Variants in SIRT7 observed in about 807,000 individuals in gnomAD.
SIRT7 encodes the protein NAD-dependent protein deacetylase sirtuin-7.
In SIRT7, 32 loss-of-function variants were observed where a neutral mutation model predicts 42.8. The observed-to-expected ratio is 0.75, with a 90% CI of 0.56 to 1.00. The LOEUF is 1.00. Among genes scored for constraint, SIRT7 ranks in the 50% least tolerant of loss-of-function variants. The pLI, the probability that SIRT7 is intolerant of heterozygous loss-of-function variation, is 0.00. For missense variants in SIRT7, 553 were observed against 572.2 expected (o/e 0.97, Z 0.34); for synonymous variants, 297 against 245.2 (o/e 1.21, Z -1.97).
At chr17:81,915,270 T>C in intron 5 of SIRT7, 170 bp downstream of exon 5, 1 of 685,858 alleles carries the variant, frequency 1.5e-6, no homozygotes, top group Non-Finnish European at 2.5e-6. Flanking sequence ...TCCCCTTCTG[T>C]CCTGGAGAGT....
chr17:81,918,049 C>G lies in SIRT7; in HGVS notation c.83G>C (p.Arg28Pro), dbSNP rs758724029. The change falls in exon 1 of 10, where the codon CGC becomes CCC. Residue 28 changes from arginine (R) to proline (P), a missense_variant. Transcript: ENST00000328666. ...GCGGCGGCGGCGTACCTGGCGGAGG[C>G]GCTCCCTCTGCTGCTCCTCCCGCAA... ...RRLREEQQRERLRQVSRILRK... is the reference protein window; with the variant it reads ...RRLREEQQREPLRQVSRILRK... 5 of 1,512,626 alleles carry G rather than the reference C, an allele frequency of 3.3e-6. No homozygotes were observed. In the African/African-American group the frequency reaches 5.7e-5, roughly 17 times the overall value. 93.7% of individuals were successfully genotyped at this position (1,512,626 alleles called of 1,614,324 possible).
In SIRT7 at chr17:81,914,678, A is replaced by C; in HGVS notation, c.505T>G (p.Cys169Gly). ...CCACTCCTCAGGTGGAGCCCGTCAC[A>C]GTTCTGAGACACCACATGCTGCACC... ...KLVQHVVSQN[C>G]DGLHLRSGLP... is the part of the protein sequence containing the mutation. Residue 169 changes from cysteine to glycine, a missense_variant, in exon 6 of 10, where the codon TGT (cysteine) becomes GGT (glycine). Physicochemically the swap from Cys to Gly is radical, Grantham distance 159. Coordinates refer to ENST00000328666, the MANE Select transcript of SIRT7 (RefSeq NM_016538.3). The C allele has an allele frequency of 6.2e-7, 1 of 1,612,894 alleles. No homozygotes were observed. The highest frequency in any genetic ancestry group is 8.5e-7 in the Non-Finnish European group (1 of 1,179,996).
At position 81,912,107 on chromosome 17, in the gene SIRT7, G is replaced by A. The variant is rs2040673040; in HGVS notation, c.*309C>T. On this transcript the variant is annotated 3_prime_UTR_variant, in exon 10 of 10. Coordinates refer to ENST00000328666, the MANE Select transcript of SIRT7 (RefSeq NM_016538.3). ...CCCTGAGACTGGCCTGGTGAGCGAG[G>A]AAAGGCCGCTGGGCGCTTCCACTCT... is the stretch of plus-strand genomic sequence containing the variant. The A allele has an allele frequency of 6.5e-6, 3 of 461,550 alleles. No individual in the cohort carries two copies. Among genetic ancestry groups the A allele is most frequent in the Non-Finnish European group, 7.9e-6 (2 of 254,256 alleles). The allele number at this position is 461,550 out of a possible 1,614,324, so 28.6% of individuals were successfully genotyped here. A position where few individuals can be genotyped will look rare whatever the true frequency, so the allele number is the denominator to read the frequency against.
chr17:81,913,603 C>T lies in SIRT7; in HGVS notation c.1004+171G>A, dbSNP rs986771763. The T allele has an allele frequency of 1.6e-6, 1 of 618,382 alleles. No individual in the cohort carries two copies. The highest frequency in any genetic ancestry group is 2.7e-5 in the Admixed American group (1 of 37,300). The allele number at this position is 618,382 out of a possible 1,614,324, so 38.3% of individuals were successfully genotyped here. A position where few individuals can be genotyped will look rare whatever the true frequency, so the allele number is the denominator to read the frequency against. On this transcript the variant is annotated intron_variant, in intron 9 of 9. Coordinates refer to ENST00000328666, the MANE Select transcript of SIRT7 (RefSeq NM_016538.3). The surrounding 1 kb of genome is among the most constrained non-coding windows in gnomAD (Gnocchi z 5.0). ...AGGGCAGGAGTGGCACACGCAGGGT[C>T]TCCGCCAACCACCGAGGTCAGGCCC...
intron 3 of SIRT7, 153 bp downstream of exon 3, chr17:81,917,462 A>G: frequency 8.1e-6 from 5 of 618,706 alleles, no homozygotes; most frequent in Non-Finnish European, 1.3e-5. Context: ...TGTAACACAG[A>G]GGCCAAGCGT....
chr17:81,913,952 C>T lies in SIRT7; in HGVS notation c.898-72G>A. The T allele has an allele frequency of 6.5e-7, 1 of 1,543,070 alleles. No individual in the cohort carries two copies. On this transcript the variant is annotated intron_variant, in intron 8 of 9. Transcript: ENST00000328666. The surrounding 1 kb of genome is among the most constrained non-coding windows in gnomAD (Gnocchi z 5.0). The stretch of plus-strand genomic sequence containing the variant: ...CCCGGTGGCCTGTCAGCCTTGGCCC[C>T]TACGGGCTCAGTCGGTGCTCCCTGA...
intron 5 of SIRT7, 166 bp downstream of exon 5, chr17:81,915,273 TG>T: frequency 1.4e-6 from 1 of 697,248 alleles, no homozygotes; most frequent in Non-Finnish European, 2.5e-6. Flanking sequence ...CCTTCTGTCC[TG>T]GAGAGTCAAG....
Position 81,913,728 on chromosome 17 carries a change from G to T in SIRT7, c.1004+46C>A. 6.8e-7 allele frequency: 1 copy of T among 1,473,818 alleles called. No homozygotes were observed. Among genetic ancestry groups the T allele is most frequent in the Non-Finnish European group, 9.3e-7 (1 of 1,079,190 alleles). 91.3% of individuals were successfully genotyped at this position (1,473,818 alleles called of 1,614,324 possible). A position where few individuals can be genotyped will look rare whatever the true frequency, so the allele number is the denominator to read the frequency against. On this transcript the variant is annotated intron_variant, in intron 9 of 9. Coordinates refer to ENST00000328666, the MANE Select transcript of SIRT7 (RefSeq NM_016538.3). The surrounding 1 kb of genome is among the most constrained non-coding windows in gnomAD (Gnocchi z 5.0). ...CACGAGAGAAGACAGACAAGGCCCAGCACACAGAGGTGCGGGGAAGCAGGC... is the reference window on the plus strand; with the variant it reads ...CACGAGAGAAGACAGACAAGGCCCATCACACAGAGGTGCGGGGAAGCAGGC...
chr17:81,913,595 C>G lies in SIRT7; in HGVS notation c.1004+179G>C, dbSNP rs866281189. 3.3e-6 allele frequency: 2 copies of G among 604,434 alleles called. No individual in the cohort carries two copies. The highest frequency in any genetic ancestry group is 3.7e-5 in the African/African-American group (2 of 53,974). 37.4% of individuals were successfully genotyped at this position (604,434 alleles called of 1,614,324 possible). A position where few individuals can be genotyped will look rare whatever the true frequency, so the allele number is the denominator to read the frequency against. The stretch of plus-strand genomic sequence containing the variant: ...CATCAGCCAGGGCAGGAGTGGCACA[C>G]GCAGGGTCTCCGCCAACCACCGAGG... On this transcript the variant is annotated intron_variant, in intron 9 of 9. Transcript: ENST00000328666. This position sits in a 1 kb window ranked among gnomAD's most constrained non-coding sequence, Gnocchi z 5.0.
rs759452277 is a variant in SIRT7, at chr17:81,912,626, G to C, written c.1005-12C>G. 6 of 1,611,116 alleles carry C rather than the reference G, an allele frequency of 3.7e-6. No homozygotes were observed. In the East Asian group the frequency reaches 1.3e-4, roughly 36 times the overall value. On this transcript the variant is annotated splice_polypyrimidine_tract_variant and intron_variant, in intron 9 of 9. Transcript: ENST00000328666. ...TGGGATCCTGCCACCTGCCAAAAAGGGAAAGCGGCATCAGGCGGGCCTGGG... is the reference window on the plus strand; with the variant it reads ...TGGGATCCTGCCACCTGCCAAAAAGCGAAAGCGGCATCAGGCGGGCCTGGG...
rs368403065 is a variant in SIRT7 at position 81,918,075 on chromosome 17, C to T, written c.57G>A (p.Arg19=). 152 of 1,546,072 alleles carry T rather than the reference C, an allele frequency of 9.8e-5. No homozygotes were observed. In the African/African-American group the frequency reaches 1.7e-3, roughly 17 times the overall value. Residue 19 remains arginine (R), a synonymous_variant, in exon 1 of 10, where the codon AGG becomes AGA. Transcript: ENST00000328666. ...GCTCCCTCTGCTGCTCCTCCCGCAACCTCCGGACCCGCTCCGCCGCTTTGC... is the reference window on the plus strand; with the variant it reads ...GCTCCCTCTGCTGCTCCTCCCGCAATCTCCGGACCCGCTCCGCCGCTTTGC... ...SERKAAERVR[R]LREEQQRERL...
rs966783411 is a variant in SIRT7 at position 81,915,684 on chromosome 17, G to C, written c.337-3C>G. ...CGGTAGTCTGGGATAGACGCTGCCT[G>C]CATGTCGAGAAAAAAGGTAAGCCAA... On this transcript the variant is annotated splice_region_variant and splice_polypyrimidine_tract_variant and intron_variant, in intron 3 of 9. Transcript: ENST00000328666. 22 of 1,613,544 alleles carry C rather than the reference G, an allele frequency of 1.4e-5. No individual in the cohort carries two copies. The highest frequency in any genetic ancestry group is 1.3e-5 in the African/African-American group (1 of 74,928).
chr17:81,912,537 C>T lies in SIRT7; in HGVS notation c.1082G>A (p.Cys361Tyr). Residue 361 changes from cysteine (C) to tyrosine (Y), a missense_variant, in exon 10 of 10, where the codon TGC becomes TAC. Transcript: ENST00000328666. Reference protein sequence around the residue: ...EEGSHSRKSLCRSREEAPPGD... With the variant: ...EEGSHSRKSLYRSREEAPPGD... ...AGGCGGGGCCTCCTCTCTGCTTCTG[C>T]ACAGCGACTTCCGACTGTGGCTGCC... is the stretch of plus-strand genomic sequence containing the variant. The T allele has an allele frequency of 6.2e-7, 1 of 1,613,768 alleles. No individual in the cohort carries two copies. The highest frequency in any genetic ancestry group is 8.5e-7 in the Non-Finnish European group (1 of 1,179,978).
At position 81,912,543 on chromosome 17, in the gene SIRT7, G is replaced by T; in HGVS notation, c.1076C>A (p.Ser359Ter). ...GGCCTCCTCTCTGCTTCTGCACAGC[G>T]ACTTCCGACTGTGGCTGCCTTCTTC... ...AGEEGSHSRK[S>*]LCRSREEAPP... The change falls in exon 10 of 10, where the codon TCG becomes TAG. Residue 359 changes from serine (S) to a stop codon, truncating the protein, a stop_gained. Transcript: ENST00000328666. LOFTEE classifies it low-confidence loss of function (END_TRUNC). The T allele has an allele frequency of 6.2e-7, 1 of 1,613,744 alleles. No individual in the cohort carries two copies.
chr17:81,913,404 T>C lies in SIRT7; in HGVS notation c.1004+370A>G. On this transcript the variant is annotated intron_variant, in intron 9 of 9. Coordinates refer to ENST00000328666, the MANE Select transcript of SIRT7 (RefSeq NM_016538.3). This position sits in a 1 kb window ranked among gnomAD's most constrained non-coding sequence, Gnocchi z 5.0. ...ACAGTTTGTTTAAGCTTTCCCAAAG[T>C]ACGCCAACTCCCAAAACCAAGCACA... is the stretch of plus-strand genomic sequence containing the variant. 1 of 450,644 alleles carries C rather than the reference T, an allele frequency of 2.2e-6. No individual in the cohort carries two copies. The highest frequency in any genetic ancestry group is 4.4e-6 in the Non-Finnish European group (1 of 227,824). The allele number at this position is 450,644 out of a possible 1,614,324, so 27.9% of individuals were successfully genotyped here.
chr17:81,914,050 C>G, intron 8 of SIRT7, 37 bp downstream of exon 8: 1 of 1,611,338 alleles, frequency 6.2e-7, no homozygotes, highest in Non-Finnish European at 8.5e-7. Context: ...GTTCTAAGAC[C>G]CAGATCTAAG....
chr17:81,913,837 T>C lies in SIRT7; in HGVS notation c.941A>G (p.Lys314Arg). The C allele has an allele frequency of 6.4e-7, 1 of 1,550,804 alleles. No homozygotes were observed. The highest frequency in any genetic ancestry group is 8.7e-7 in the Non-Finnish European group (1 of 1,147,658). The change falls in exon 9 of 10, where the codon AAG (lysine) becomes AGG (arginine). Residue 314 changes from lysine to arginine, a missense_variant. Transcript: ENST00000328666. This position sits in a 1 kb window ranked among gnomAD's most constrained non-coding sequence, Gnocchi z 5.0. ...GAGGAGCCGCATGACGTCATCACAC[T>C]TCCCATGTAGCTTCAGGGCAGCCCA... ...DDWAALKLHG[K>R]CDDVMRLLMA... is the part of the protein sequence containing the mutation.
At chr17:81,915,876 T>C in intron 3 of SIRT7, 195 bp from the exon 4 acceptor site, 1 of 615,144 alleles carries the variant, frequency 1.6e-6, no homozygotes, top group Non-Finnish European at 2.9e-6. Context: ...CCCTTCTACC[T>C]GGACTTCCGT....
At position 81,911,985 on chromosome 17, in the gene SIRT7, C is replaced by T. The variant is rs1255485834; in HGVS notation, c.*431G>A. 1 of 231,162 alleles carries T rather than the reference C, an allele frequency of 4.3e-6. No individual in the cohort carries two copies. The highest frequency in any genetic ancestry group is 8.7e-6 in the Non-Finnish European group (1 of 114,534). 14.3% of individuals were successfully genotyped at this position (231,162 alleles called of 1,614,324 possible). A position where few individuals can be genotyped will look rare whatever the true frequency, so the allele number is the denominator to read the frequency against. ...AGAAATAAAAAGGTCTGCATAGAGC[C>T]GAGGCTCGGAGCCACCCCTCTGCCG... On this transcript the variant is annotated 3_prime_UTR_variant, in exon 10 of 10. Coordinates refer to ENST00000328666, the MANE Select transcript of SIRT7 (RefSeq NM_016538.3).
Sources: gnomAD v4.1 joint callset for allele counts on GRCh38, gnomAD v4.1.1 for gene constraint, Gnocchi (gnomAD v3.1) non-coding constraint, MANE v1.5 for transcripts, NCBI Gene and HGNC (gene_info 2026-07-23, HGNC 2026-07-21) for gene names.